EPHA6: variants seen among roughly 807,000 people sequenced by gnomAD.
EPHA6 encodes EPH receptor A6.
A neutral mutation model predicts 112.0 loss-of-function variants in EPHA6; 50 were observed. That is an observed-to-expected ratio of 0.45 (90% CI 0.36 to 0.56). The LOEUF (loss-of-function observed/expected upper bound fraction) is 0.56, where lower values mean the gene tolerates loss of function less well. Ranked by LOEUF, EPHA6 falls within the 20% of genes least tolerant of loss-of-function variation. The pLI is 0.00. For missense variants in EPHA6, 1,280 were observed against 1,417.4 expected (o/e 0.90, Z 1.56); for synonymous variants, 529 against 490.7 (o/e 1.08, Z -1.03).
chr3:97,263,181 TTATAAA>T (rs2079556609), intron 5 of EPHA6, among the ~76,000 whole-genome samples: 1 of 152,202 alleles, frequency 6.6e-6, no homozygotes, highest in Admixed American at 6.5e-5. Context: ...ATAATCTGGT[TTATAAA>T]TGTGTTTCTG....
intron 14 of EPHA6, among the ~76,000 whole-genome samples, chr3:97,684,924 C>A (rs1215174351): frequency 6.6e-6 from 1 of 152,126 alleles, no homozygotes; most frequent in African/African-American, 2.4e-5. Context: ...ATTTTAAAAA[C>A]CCCATACCTT....
At chr3:96,975,451 T>C (rs1022518496) in intron 2 of EPHA6, among the ~76,000 whole-genome samples, 2 of 152,186 alleles carry the variant, frequency 1.3e-5, no homozygotes, top group Non-Finnish European at 2.9e-5. Flanking sequence ...CACTGGGTAA[T>C]TGATTTTATT....
At chr3:97,085,746 G>T (rs947891408) in intron 3 of EPHA6, among the ~76,000 whole-genome samples, 4 of 151,746 alleles carry the variant, frequency 2.6e-5, no homozygotes, top group Admixed American at 6.6e-5. Context: ...TTATCTTAGG[G>T]CTGAGAAATG....
intron 3 of EPHA6, among the ~76,000 whole-genome samples, chr3:97,197,634 G>A (rs918224449): frequency 1.3e-5 from 2 of 151,782 alleles, no homozygotes; most frequent in Non-Finnish European, 1.5e-5. Flanking sequence ...TGCTGCCTGG[G>A]GTTGGGGGAT....
At chr3:97,215,666 G>T (rs2078014538) in intron 3 of EPHA6, among the ~76,000 whole-genome samples, 1 of 150,998 alleles carries the variant, frequency 6.6e-6, no homozygotes, top group Admixed American at 6.6e-5. Context: ...TCCATATTTA[G>T]TTTGCCTTTA....
intron 13 of EPHA6, among the ~76,000 whole-genome samples, chr3:97,618,692 C>A (rs560889875): frequency 6.6e-6 from 1 of 152,136 alleles, no homozygotes; most frequent in Non-Finnish European, 1.5e-5. Flanking sequence ...GACACATGCA[C>A]CCTCCCAAGA....
At chr3:97,326,695 TGCAC>T (rs1241494904) in intron 5 of EPHA6, among the ~76,000 whole-genome samples, 2 of 152,070 alleles carry the variant, frequency 1.3e-5, no homozygotes, top group Non-Finnish European at 2.9e-5. Context: ...AGAAATTGGA[TGCAC>T]ACATCATGAA....
At chr3:97,688,726 A>T (rs1327459536) in intron 14 of EPHA6, among the ~76,000 whole-genome samples, 3 of 150,842 alleles carry the variant, frequency 2.0e-5, no homozygotes, top group Admixed American at 1.3e-4. Context: ...AGTATAATAA[A>T]AAAAAAAAGA....
At chr3:97,187,414 A>G (rs548596837) in intron 3 of EPHA6, among the ~76,000 whole-genome samples, 4 of 151,936 alleles carry the variant, frequency 2.6e-5, no homozygotes, top group Admixed American at 2.0e-4. Flanking sequence ...TACTAAAAAT[A>G]CAAAAATTAG....
At chr3:96,902,414 T>A (rs1227755490) in intron 2 of EPHA6, among the ~76,000 whole-genome samples, 1 of 152,158 alleles carries the variant, frequency 6.6e-6, no homozygotes, top group African/African-American at 2.4e-5. Context: ...ATTACCTCTT[T>A]GGCTGGAGGG....
intron 5 of EPHA6, among the ~76,000 whole-genome samples, chr3:97,323,505 G>A (rs1307372080): frequency 1.3e-5 from 2 of 151,902 alleles, no homozygotes; most frequent in Non-Finnish European, 2.9e-5. Context: ...AAATGATCAT[G>A]TTTGTATAAA....
intron 3 of EPHA6, among the ~76,000 whole-genome samples, chr3:96,989,995 A>G (rs1326214334): frequency 5.3e-5 from 8 of 152,176 alleles, no homozygotes. Flanking sequence ...CAGAGTAACC[A>G]TGTAGTGTTT....
At chr3:97,381,838 T>C (rs565973891) in intron 5 of EPHA6, among the ~76,000 whole-genome samples, 11 of 152,216 alleles carry the variant, frequency 7.2e-5, no homozygotes, top group Non-Finnish European at 1.5e-4. Flanking sequence ...GTTGAGCAGC[T>C]TACAATCCTT....
At chr3:97,126,011 A>T (rs1412846475) in intron 3 of EPHA6, among the ~76,000 whole-genome samples, 2 of 152,222 alleles carry the variant, frequency 1.3e-5, no homozygotes, top group African/African-American at 2.4e-5. Flanking sequence ...AATGAGACTT[A>T]TTCAAGATCA....
intron 3 of EPHA6, among the ~76,000 whole-genome samples, chr3:97,131,291 T>A (rs1215048085): frequency 6.6e-6 from 1 of 151,998 alleles, no homozygotes; most frequent in African/African-American, 2.4e-5. Flanking sequence ...TAGAAATAAA[T>A]GGATAGATGA....
intron 1 of EPHA6, among the ~76,000 whole-genome samples, chr3:96,844,943 G>A (rs537684266): frequency 6.6e-6 from 1 of 151,968 alleles, no homozygotes; most frequent in East Asian, 1.9e-4. Context: ...TATATAAATT[G>A]TAAAATTATT....
intron 2 of EPHA6, among the ~76,000 whole-genome samples, chr3:96,915,363 A>G (rs893873947): frequency 6.6e-6 from 1 of 152,078 alleles, no homozygotes; most frequent in Non-Finnish European, 1.5e-5. Context: ...CCTAAAGTAA[A>G]CCATTGTTCC....
intron 1 of EPHA6, among the ~76,000 whole-genome samples, chr3:96,822,815 T>G (rs2033368492): frequency 2.0e-5 from 3 of 151,310 alleles, no homozygotes; most frequent in East Asian, 1.9e-4. Context: ...ACATGAGTGT[T>G]GCAAAGAGAA....
At chr3:97,678,566 C>A (rs1238136031) in intron 14 of EPHA6, among the ~76,000 whole-genome samples, 1 of 152,072 alleles carries the variant, frequency 6.6e-6, no homozygotes, top group Admixed American at 6.6e-5. Flanking sequence ...CTTCTTCACC[C>A]CTGCTGTGAA....
Sources: allele counts gnomAD v4.1 joint callset (sites outside exome capture counted in the v4.1 genomes callset), GRCh38; gene constraint gnomAD v4.1.1; transcripts MANE v1.5; gene names NCBI Gene and HGNC (gene_info 2026-07-23, HGNC 2026-07-21).